The following EIF5B variants were observed in gnomAD, a reference collection of about 807,000 sequenced individuals.
EIF5B encodes eukaryotic translation initiation factor 5B.
EIF5B carries 47 observed loss-of-function variants against 147.5 expected under a neutral mutation model. That is an observed-to-expected ratio of 0.32 (90% CI 0.25 to 0.41). The LOEUF is 0.41. Ranked by LOEUF, EIF5B falls within the 10% of genes least tolerant of loss-of-function variation. EIF5B has a pLI of 1.00. For synonymous variants in EIF5B, 455 were observed against 456.2 expected, an observed-to-expected ratio of 1.00 and a Z score of 0.03; for missense variants, 1,064 against 1,413.2, an observed-to-expected ratio of 0.75 and a Z score of 3.96.
intron 13 of EIF5B, 27 bp from the exon 14 acceptor site, chr2:99,382,753 T>TA (rs781108305): frequency 1.3e-6 from 2 of 1,571,606 alleles, no homozygotes; most frequent in Admixed American, 4.1e-5. Flanking sequence ...ATTTTCTACT[T>TA]ATAGATCTTT....
intron 23 of EIF5B, 159 bp downstream of exon 23, chr2:99,399,068 A>T: frequency 1.1e-6 from 1 of 921,254 alleles, no homozygotes; most frequent in Non-Finnish European, 1.6e-6. Context: ...TTGTCTGTTG[A>T]GGAAGTTGCT....
chr2:99,351,564 A>AT (rs1338569584), intron 1 of EIF5B, among the ~76,000 whole-genome samples: 1 of 152,122 alleles, frequency 6.6e-6, no homozygotes, highest in Non-Finnish European at 1.5e-5. Context: ...TGACTGTGCC[A>AT]TTTTTGCATT....
In EIF5B at chr2:99,361,840, G is replaced by T; in HGVS notation, c.919+20G>T. The T allele has an allele frequency of 6.7e-7, 1 of 1,501,852 alleles. No homozygotes were observed. The highest frequency in any genetic ancestry group is 1.4e-5 in the South Asian group (1 of 69,978). The allele number at this position is 1,501,852 out of a possible 1,614,324, so 93.0% of individuals were successfully genotyped here. On this transcript the variant is annotated intron_variant, in intron 4 of 23. Transcript: ENST00000289371. Reference sequence around the variant, plus strand: ...CAGAAGGTTGGTTAATACTTTAGAGGAAAGAGCAAAAGGCTTTTGATTCAC... The same window carrying T: ...CAGAAGGTTGGTTAATACTTTAGAGTAAAGAGCAAAAGGCTTTTGATTCAC...
intron 1 of EIF5B, among the ~76,000 whole-genome samples, chr2:99,352,740 G>A (rs1046547763): frequency 6.6e-6 from 1 of 151,824 alleles, no homozygotes; most frequent in Non-Finnish European, 1.5e-5. Flanking sequence ...CTCCCAAAGC[G>A]CTAAGATTAC....
In EIF5B at chr2:99,390,517, C is replaced by G; in HGVS notation, c.2587-27C>G. 3 of 1,597,892 alleles carry G rather than the reference C, an allele frequency of 1.9e-6. No homozygotes were observed. In the South Asian group the frequency reaches 3.3e-5, roughly 18 times the overall value. The stretch of plus-strand genomic sequence containing the variant: ...TGAACATGGTGCATTGTATGTATGT[C>G]TTTCTCTTTGCATTAATGCCTTTTA... On this transcript the variant is annotated intron_variant, in intron 16 of 23. Coordinates refer to ENST00000289371, the MANE Select transcript of EIF5B (RefSeq NM_015904.4).
chr2:99,351,068 T>C (rs2204896), intron 1 of EIF5B, among the ~76,000 whole-genome samples: 126,690 of 152,260 alleles, frequency 0.83, 53,291 homozygotes, highest in Middle Eastern at 0.98. Context: ...GGCTCACCAC[T>C]GTAATCCCAG....
In EIF5B at chr2:99,389,864, C is replaced by T. The variant is rs772016992; in HGVS notation, c.2403+15C>T. On this transcript the variant is annotated intron_variant, in intron 15 of 23. Coordinates refer to ENST00000289371, the MANE Select transcript of EIF5B (RefSeq NM_015904.4). ...TTGCACAGCAGGTAAGAAGGCCTTC[C>T]TTCTTTCTGAAGAGCCTATCTCAGA... 2 of 1,596,276 alleles carry T rather than the reference C, an allele frequency of 1.3e-6. No homozygotes were observed. Among genetic ancestry groups the T allele is most frequent in the Admixed American group, 1.8e-5 (1 of 55,394 alleles).
At chr2:99,358,750 C>G (rs1674144594) in intron 1 of EIF5B, among the ~76,000 whole-genome samples, 2 of 152,064 alleles carry the variant, frequency 1.3e-5, no homozygotes, top group South Asian at 4.1e-4. Flanking sequence ...ATGTGTACCC[C>G]TTTTACTAAG....
At position 99,361,217 on chromosome 2, in the gene EIF5B, CAG is replaced by C. The variant is rs1281159336; in HGVS notation, c.319_320del (p.Ser107PhefsTer2). The stretch of plus-strand genomic sequence containing the variant: ...AAAGAAAGGACAGAAGGGCAAAAAA[CAG>C]AGTTTTGATGATAATGATAGCGAAG... Reference protein sequence around the residue: ...KKKKGQKGKKQSFDDNDSEEL... With the variant: ...KKKKGQKGKKXSFDDNDSEEL... On this transcript the variant is annotated frameshift_variant, in exon 4 of 24. Coordinates refer to ENST00000289371, the MANE Select transcript of EIF5B (RefSeq NM_015904.4). LOFTEE classifies it high-confidence loss of function. 6.3e-7 allele frequency: 1 copy of C among 1,597,454 alleles called. No individual in the cohort carries two copies. Among genetic ancestry groups the C allele is most frequent in the Non-Finnish European group, 8.5e-7 (1 of 1,174,898 alleles).
chr2:99,381,323 A>G (rs1574935747), intron 12 of EIF5B, among the ~76,000 whole-genome samples: 1 of 152,294 alleles, frequency 6.6e-6, no homozygotes, highest in East Asian at 1.9e-4. Flanking sequence ...GATAACCTTT[A>G]TATGACAATT....
intron 14 of EIF5B, among the ~76,000 whole-genome samples, chr2:99,383,202 T>C (rs1198136459): frequency 6.6e-6 from 1 of 152,174 alleles, no homozygotes; most frequent in Non-Finnish European, 1.5e-5. Flanking sequence ...TTTTGTTAAT[T>C]TGCAATATTT....
At chr2:99,384,501 G>A (rs1674758778) in intron 14 of EIF5B, among the ~76,000 whole-genome samples, 1 of 152,208 alleles carries the variant, frequency 6.6e-6, no homozygotes, top group Non-Finnish European at 1.5e-5. Flanking sequence ...TGTTACTTAA[G>A]AAATACATTT....
intron 9 of EIF5B, among the ~76,000 whole-genome samples, chr2:99,372,585 G>A (rs180698593): frequency 0.015 from 2,216 of 152,270 alleles, 62 homozygotes; most frequent in African/African-American, 0.05. Context: ...TGATCCGCCC[G>A]CCTTGGCCTC....
Position 99,388,436 on chromosome 2 carries a change from G to GTTT in EIF5B, c.2272-1277_2272-1275dup, listed in dbSNP as rs10688695. On this transcript the variant is annotated intron_variant, in intron 14 of 23. Transcript: ENST00000289371. ...CAGCTGCAGGGTTTTTGTTTTTTTGGTTTTTTTGTCAATGCCCTTTATTAA... is the reference window on the plus strand; with the variant it reads ...CAGCTGCAGGGTTTTTGTTTTTTTGGTTTTTTTTTTGTCAATGCCCTTTATTAA... Among the ~76,000 whole-genome samples the GTTT allele has an allele frequency of 9.2e-3, 1,396 of 151,644 alleles. 24 individuals are homozygous for GTTT. Among genetic ancestry groups the GTTT allele is most frequent in the African/African-American group, 0.032 (1,315 of 41,372 alleles).
chr2:99,358,850 G>T (rs764913939), intron 1 of EIF5B, among the ~76,000 whole-genome samples: 1 of 152,140 alleles, frequency 6.6e-6, no homozygotes, highest in African/African-American at 2.4e-5. Flanking sequence ...TATCTAAAAT[G>T]TAGGAAGAAA....
rs1332218329 is a variant in EIF5B at position 99,400,558 on chromosome 2, C to CCGTT, written c.*1146_*1149dup. 1.3e-5 allele frequency: 2 copies of CCGTT among 151,984 alleles called. No individual in the cohort carries two copies. The highest frequency in any genetic ancestry group is 2.9e-5 in the Non-Finnish European group (2 of 68,006). The allele number at this position is 151,984 out of a possible 1,614,324, so 9.4% of individuals were successfully genotyped here. A position where few individuals can be genotyped will look rare whatever the true frequency, so the allele number is the denominator to read the frequency against. ...TTTATATACGTTTGAAAAATCTATA[C>CCGTT]CGTTCTTTTTTATCATCAAAGTTTC... On this transcript the variant is annotated 3_prime_UTR_variant, in exon 24 of 24. Transcript: ENST00000289371.
Position 99,379,083 on chromosome 2 carries a change from T to C in EIF5B, c.1907T>C (p.Val636Ala). 1 of 1,607,906 alleles carries C rather than the reference T, an allele frequency of 6.2e-7. No individual in the cohort carries two copies. The highest frequency in any genetic ancestry group is 8.5e-7 in the Non-Finnish European group (1 of 1,177,714). Residue 636 changes from valine (V) to alanine (A), a missense_variant, in exon 11 of 24, where the codon GTA (valine) becomes GCA (alanine). Val to Ala is a moderately conservative substitution (Grantham distance 64, BLOSUM62 0). Transcript: ENST00000289371. ...AAGCTAAGAGCCCCTATTATCTGCGTACTTGGGCATGTGGACACAGGGAAG... is the reference window on the plus strand; with the variant it reads ...AAGCTAAGAGCCCCTATTATCTGCGCACTTGGGCATGTGGACACAGGGAAG... ...TEKLRAPIIC[V>A]LGHVDTGKTK...
chr2:99,371,888 C>T (rs948326192), intron 9 of EIF5B, among the ~76,000 whole-genome samples, 158 bp downstream of exon 9: 1 of 152,158 alleles, frequency 6.6e-6, no homozygotes, highest in African/African-American at 2.4e-5. Context: ...TTTCTAAGTC[C>T]TCAAGTGGAT....
rs1226272878 is a variant in EIF5B at position 99,400,630 on chromosome 2, G to C, written c.*1216G>C. On this transcript the variant is annotated 3_prime_UTR_variant, in exon 24 of 24. Coordinates refer to ENST00000289371, the MANE Select transcript of EIF5B (RefSeq NM_015904.4). ...AAGACAACACCACCTCTGATCTACG[G>C]GACATAATGTTCCCAGGAAAAAAAT... 6.6e-6 allele frequency: 1 copy of C among 152,066 alleles called. No individual in the cohort carries two copies. Among genetic ancestry groups the C allele is most frequent in the Non-Finnish European group, 1.5e-5 (1 of 68,020 alleles). The allele number at this position is 152,066 out of a possible 1,614,324, so 9.4% of individuals were successfully genotyped here.
Sources: allele counts gnomAD v4.1 joint callset (sites outside exome capture counted in the v4.1 genomes callset), GRCh38; gene constraint gnomAD v4.1.1; transcripts MANE v1.5; gene names NCBI Gene and HGNC (gene_info 2026-07-23, HGNC 2026-07-21).